Variants in HSD17B3 observed in about 807,000 individuals in gnomAD.
The protein encoded by HSD17B3 is 17-beta-hydroxysteroid dehydrogenase type 3.
In HSD17B3, 29 loss-of-function variants were observed where a neutral mutation model predicts 41.1. The observed-to-expected ratio is 0.71, with a 90% CI of 0.53 to 0.96. HSD17B3 has a LOEUF of 0.96. Among genes scored for constraint, HSD17B3 ranks in the 40% least tolerant of loss-of-function variants. HSD17B3 has a pLI of 0.00. For missense variants in HSD17B3, 323 were observed against 374.6 expected, an observed-to-expected ratio of 0.86 and a Z score of 1.14; for synonymous variants, 126 against 145.6, an observed-to-expected ratio of 0.87 and a Z score of 0.97.
At chr9:96,248,025 A>AT (rs1013712913) in intron 6 of HSD17B3, among the ~76,000 whole-genome samples, 2 of 152,256 alleles carry the variant, frequency 1.3e-5, no homozygotes, top group Non-Finnish European at 1.5e-5. Flanking sequence ...TCAATATATA[A>AT]TTTTTTTAAA....
intron 10 of HSD17B3, among the ~76,000 whole-genome samples, chr9:96,237,874 A>C (rs1836290354): frequency 6.6e-6 from 1 of 152,238 alleles, no homozygotes; most frequent in East Asian, 1.9e-4. Context: ...TCACACCTGT[A>C]ATCCTAGCAC....
At chr9:96,272,425 AT>A (rs1564048438) in intron 2 of HSD17B3, among the ~76,000 whole-genome samples, 9 of 46,262 alleles carry the variant, frequency 1.9e-4, no homozygotes, top group Admixed American at 5.3e-4. Flanking sequence ...ATATATATAT[AT>A]ATATATATAT....
chr9:96,267,877 C>T (rs980670694), intron 2 of HSD17B3, among the ~76,000 whole-genome samples: 2 of 152,064 alleles, frequency 1.3e-5, no homozygotes, highest in Non-Finnish European at 2.9e-5. Flanking sequence ...TGGGGCAACC[C>T]TAGCTGTGCC....
At chr9:96,276,720 T>A (rs145211443) in intron 2 of HSD17B3, among the ~76,000 whole-genome samples, 315 of 152,190 alleles carry the variant, frequency 2.1e-3, no homozygotes, top group Non-Finnish European at 3.3e-3. Flanking sequence ...AAAATGAAAG[T>A]GGAACTTATC....
intron 2 of HSD17B3, among the ~76,000 whole-genome samples, chr9:96,272,403 CTCTATATATATA>C (rs1421432079): frequency 6.0e-4 from 17 of 28,134 alleles, no homozygotes; most frequent in African/African-American, 2.0e-3. Context: ...CTCTCTCTCT[CTCTATATATATA>C]TATATATATA....
At chr9:96,241,742 C>G (rs1836446288) in intron 9 of HSD17B3, among the ~76,000 whole-genome samples, 1 of 151,988 alleles carries the variant, frequency 6.6e-6, no homozygotes, top group Admixed American at 6.6e-5. Flanking sequence ...CGAGACCAGC[C>G]TGAGCAACAT....
At chr9:96,279,776 C>CT (rs567549720) in intron 2 of HSD17B3, among the ~76,000 whole-genome samples, 1,658 of 145,696 alleles carry the variant, frequency 0.011, 34 homozygotes, top group South Asian at 0.064. Flanking sequence ...CTTTGTCACT[C>CT]TTTTTTTTTT....
Position 96,244,392 on chromosome 9 carries a change from C to T in HSD17B3, c.609G>A (p.Ala203=), listed in dbSNP as rs560518006. The change falls in exon 9 of 11, where the codon GCG becomes GCA. Residue 203 remains alanine, a splice_region_variant and synonymous_variant. Transcript: ENST00000375263. ...PLYSMYSASK[A]FVCAFSKALQ... is the part of the protein sequence containing the mutation. Reference sequence around the variant, plus strand: ...GGGCCTTGGAAAATGCGCACACAAACGCCTGGAGCAAGAAGGAGAGACACC... The same window carrying T: ...GGGCCTTGGAAAATGCGCACACAAATGCCTGGAGCAAGAAGGAGAGACACC... 156 of 1,614,108 alleles carry T rather than the reference C, an allele frequency of 9.7e-5. No individual in the cohort carries two copies. Among genetic ancestry groups the T allele is most frequent in the Middle Eastern group, 1.6e-4 (1 of 6,062 alleles).
chr9:96,262,451 G>A (rs1825897626), intron 2 of HSD17B3, among the ~76,000 whole-genome samples: 1 of 151,498 alleles, frequency 6.6e-6, no homozygotes, highest in African/African-American at 2.4e-5. Flanking sequence ...ACGGGGTTTT[G>A]GCCAGGCTGG....
At chr9:96,237,707 T>A (rs1166203029) in intron 10 of HSD17B3, among the ~76,000 whole-genome samples, 1 of 152,216 alleles carries the variant, frequency 6.6e-6, no homozygotes, top group Admixed American at 6.5e-5. Flanking sequence ...CTTTAATGAT[T>A]AACGTATTTT....
chr9:96,249,872 T>G, intron 5 of HSD17B3, 86 bp from the exon 6 acceptor site: 1 of 1,610,874 alleles, frequency 6.2e-7, no homozygotes, highest in Non-Finnish European at 8.5e-7. Context: ...AACCATGAAG[T>G]GGGCAAAAGT....
rs1358080197 is a variant in HSD17B3, at chr9:96,258,366, T to C, written c.202-3423A>G. Among the ~76,000 whole-genome samples, 4 of 152,352 alleles carry C rather than the reference T, an allele frequency of 2.6e-5. No individual in the cohort carries two copies. The East Asian group carries it at 7.7e-4, about 29-fold the overall frequency. On this transcript the variant is annotated intron_variant, in intron 2 of 10. Transcript: ENST00000375263. ...TGTCTCAACAACATTCTCCACTTTG[T>C]CCATTAATTCCTAATTTAAAATGTT...
At chr9:96,266,627 C>G (rs1826051871) in intron 2 of HSD17B3, among the ~76,000 whole-genome samples, 1 of 152,116 alleles carries the variant, frequency 6.6e-6, no homozygotes, top group African/African-American at 2.4e-5. Flanking sequence ...AAATCCTAAA[C>G]CAGCAACAGA....
chr9:96,254,725 T>C, intron 3 of HSD17B3, 143 bp downstream of exon 3: 1 of 737,146 alleles, frequency 1.4e-6, no homozygotes, highest in South Asian at 1.5e-5. Context: ...CGCCCTCTGC[T>C]TTGTAACCGG....
At chr9:96,291,201 G>A (rs1266886421) in intron 2 of HSD17B3, among the ~76,000 whole-genome samples, 2 of 152,018 alleles carry the variant, frequency 1.3e-5, no homozygotes, top group South Asian at 2.1e-4. Context: ...GAGGCCTCAT[G>A]GAGAGCCAGG....
At chr9:96,252,310 C>T (rs557462524) in intron 4 of HSD17B3, among the ~76,000 whole-genome samples, 8 of 151,986 alleles carry the variant, frequency 5.3e-5, no homozygotes, top group Admixed American at 1.3e-4. Flanking sequence ...TTTGGGAGGC[C>T]GAGGCAGGTG....
intron 8 of HSD17B3, among the ~76,000 whole-genome samples, chr9:96,244,614 C>T (rs913454740): frequency 1.9e-4 from 29 of 151,772 alleles, no homozygotes; most frequent in African/African-American, 1.7e-4. Context: ...CAATCATAGA[C>T]AACATACCTG....
chr9:96,253,691 T>C (rs998135214), intron 3 of HSD17B3, among the ~76,000 whole-genome samples: 1 of 152,158 alleles, frequency 6.6e-6, no homozygotes, highest in Non-Finnish European at 1.5e-5. Context: ...AGTGGCTTGG[T>C]GAGCTGCTTT....
chr9:96,257,441 TCTAA>T (rs762760477), intron 2 of HSD17B3, among the ~76,000 whole-genome samples: 5 of 150,700 alleles, frequency 3.3e-5, no homozygotes, highest in African/African-American at 4.9e-5. Flanking sequence ...TTGAGCCTTC[TCTAA>T]CTATCTCTGC....
Sources: allele counts gnomAD v4.1 joint callset (sites outside exome capture counted in the v4.1 genomes callset), GRCh38; gene constraint gnomAD v4.1.1; transcripts MANE v1.5; gene names NCBI Gene and HGNC (gene_info 2026-07-23, HGNC 2026-07-21).